Variants in HYCC1 observed in about 807,000 individuals in gnomAD.
HYCC1 encodes the protein hyccin PI4KA lipid kinase complex subunit 1, also known as hyccin.
At chr7:22,945,386 A>G in the HYCC1 span, 87 of 590,622 alleles carry the variant, frequency 1.5e-4, no homozygotes, top group South Asian at 5.1e-4. Flanking sequence ...AGGGGAAAAA[A>G]TCTTAATCAA....
the HYCC1 span, chr7:22,976,829 T>C: frequency 6.9e-7 from 1 of 1,442,002 alleles, no homozygotes. Flanking sequence ...GACATTTGAA[T>C]AAAGAAAAAA....
the HYCC1 span, among the ~76,000 whole-genome samples, chr7:23,012,519 T>C: frequency 6.6e-6 from 1 of 152,130 alleles, no homozygotes; most frequent in Non-Finnish European, 1.5e-5. Context: ...TATGTGATGC[T>C]TTTCCCCCTT....
the HYCC1 span, among the ~76,000 whole-genome samples, chr7:22,925,647 A>G: frequency 6.6e-6 from 1 of 152,200 alleles, no homozygotes; most frequent in Non-Finnish European, 1.5e-5. Flanking sequence ...GAAGAGAAAG[A>G]AACGAACAAA....
At chr7:22,967,359 C>A in the HYCC1 span, among the ~76,000 whole-genome samples, 1 of 152,042 alleles carries the variant, frequency 6.6e-6, no homozygotes, top group African/African-American at 2.4e-5. Flanking sequence ...AAGTGGAAAA[C>A]ATAGGAAAGT....
At chr7:22,915,804 A>T in the HYCC1 span, among the ~76,000 whole-genome samples, 1 of 152,156 alleles carries the variant, frequency 6.6e-6, no homozygotes, top group Non-Finnish European at 1.5e-5. Context: ...TCTGGTGCCA[A>T]CTTGGACAAC....
chr7:22,945,681 T>C, the HYCC1 span: 1 of 1,613,818 alleles, frequency 6.2e-7, no homozygotes, highest in Non-Finnish European at 8.5e-7. Flanking sequence ...GAAACGTAAA[T>C]AAGCTTTTCT....
the HYCC1 span, among the ~76,000 whole-genome samples, chr7:22,977,011 T>C: frequency 1.3e-5 from 2 of 152,116 alleles, no homozygotes; most frequent in African/African-American, 4.8e-5. Flanking sequence ...ATTAGTTTAA[T>C]TTCACAAATT....
the HYCC1 span, among the ~76,000 whole-genome samples, chr7:22,902,684 C>T: frequency 6.6e-6 from 1 of 151,858 alleles, no homozygotes; most frequent in South Asian, 2.1e-4. Context: ...ATATTTTCAA[C>T]AAATGGTGCT....
chr7:22,957,580 G>A, the HYCC1 span, among the ~76,000 whole-genome samples: 55 of 152,050 alleles, frequency 3.6e-4, no homozygotes, highest in Non-Finnish European at 4.0e-4. Flanking sequence ...CATGGTTCTC[G>A]TCCCTTCTCC....
chr7:22,930,369 A>G, the HYCC1 span, among the ~76,000 whole-genome samples: 14 of 150,036 alleles, frequency 9.3e-5, 1 homozygote, highest in African/African-American at 3.2e-4. Context: ...AGAATTAGAA[A>G]CAAAGTAAAA....
chr7:22,975,506 T>C, the HYCC1 span, among the ~76,000 whole-genome samples: 8 of 152,154 alleles, frequency 5.3e-5, no homozygotes, highest in South Asian at 4.1e-4. Context: ...AGAACCAGTA[T>C]CTCTTACTTA....
At chr7:22,984,094 T>G in the HYCC1 span, 2 of 1,117,504 alleles carry the variant, frequency 1.8e-6, no homozygotes, top group East Asian at 4.9e-5. Context: ...ATGTCCAGAA[T>G]AGGCAAATCC....
chr7:22,933,300 C>T, the HYCC1 span, among the ~76,000 whole-genome samples: 18 of 152,216 alleles, frequency 1.2e-4, no homozygotes, highest in South Asian at 2.1e-4. Context: ...ACCAAATTGT[C>T]GGTTTCTCCC....
chr7:22,898,737 G>A, the HYCC1 span, among the ~76,000 whole-genome samples: 1 of 151,580 alleles, frequency 6.6e-6, no homozygotes, highest in South Asian at 2.1e-4. Context: ...CAAGTAGCTG[G>A]GACTACAGGC....
At chr7:22,976,661 TTAAGA>T in the HYCC1 span, 2 of 1,307,240 alleles carry the variant, frequency 1.5e-6, no homozygotes, top group Non-Finnish European at 2.2e-6. Context: ...AATTAGTGGA[TTAAGA>T]TAAGAATTTT....
chr7:22,978,101 C>G, the HYCC1 span: 2 of 649,646 alleles, frequency 3.1e-6, no homozygotes, highest in Non-Finnish European at 5.4e-6. Context: ...ATTACATGTA[C>G]GCTTGTATGT....
the HYCC1 span, among the ~76,000 whole-genome samples, chr7:22,989,229 C>CT: frequency 4.9e-4 from 41 of 84,072 alleles, no homozygotes; most frequent in Non-Finnish European, 9.9e-4. Context: ...CATCAATCTG[C>CT]CAAAAAAAAG....
the HYCC1 span, among the ~76,000 whole-genome samples, chr7:23,010,700 T>C: frequency 6.6e-6 from 1 of 152,220 alleles, no homozygotes. Context: ...TATTGATATC[T>C]GGGTTCAACA....
At chr7:22,906,025 A>T in the HYCC1 span, among the ~76,000 whole-genome samples, 1 of 152,318 alleles carries the variant, frequency 6.6e-6, no homozygotes, top group South Asian at 2.1e-4. Flanking sequence ...AAAGATTAGT[A>T]AGACTATCAT....
Sources: allele counts gnomAD v4.1 joint callset (sites outside exome capture counted in the v4.1 genomes callset), GRCh38; gene constraint gnomAD v4.1.1; transcripts MANE v1.5; gene names NCBI Gene and HGNC (gene_info 2026-07-23, HGNC 2026-07-21).